TRAF3IP1: variants seen among roughly 807,000 people sequenced by gnomAD.
TRAF3IP1 encodes the protein intraflagellar transport 54.
Under a neutral mutation model 89.9 loss-of-function variants are expected in TRAF3IP1, and 53 were observed. That is an observed-to-expected ratio of 0.59 (90% CI 0.47 to 0.74). The LOEUF (loss-of-function observed/expected upper bound fraction) is 0.74, where lower values mean the gene tolerates loss of function less well. Ranked by LOEUF, TRAF3IP1 falls within the 30% of genes least tolerant of loss-of-function variation. The pLI, the probability that TRAF3IP1 is intolerant of heterozygous loss-of-function variation, is 0.00. For missense variants in TRAF3IP1, 806 were observed against 866.1 expected, an observed-to-expected ratio of 0.93 and a Z score of 0.87; for synonymous variants, 311 against 322.1, an observed-to-expected ratio of 0.97 and a Z score of 0.37.
intron 15 of TRAF3IP1, among the ~76,000 whole-genome samples, chr2:238,386,433 C>T (rs71426523): frequency 6.6e-6 from 1 of 152,198 alleles, no homozygotes; most frequent in African/African-American, 2.4e-5. Flanking sequence ...CTGCCTCAGC[C>T]TCCCAAGTAG....
At position 238,329,218 on chromosome 2, in the gene TRAF3IP1, A is replaced by T; in HGVS notation, c.791A>T (p.Asp264Val). 1.3e-6 allele frequency: 2 copies of T among 1,559,622 alleles called. No homozygotes were observed. The highest frequency in any genetic ancestry group is 1.7e-6 in the Non-Finnish European group (2 of 1,157,632). ...EGGKEKERLRDRDRERDRDKG... is the reference protein window; with the variant it reads ...EGGKEKERLRVRDRERDRDKG... ...GGGAAAGAGAAGGAGAGACTGAGAG[A>T]CAGGGACCGAGAGCGCGACCGGGAC... Residue 264 changes from aspartate (D) to valine (V), a missense_variant, in exon 5 of 17, where the codon GAC (aspartate) becomes GTC (valine). By Grantham distance (152) the Asp-to-Val change is radical. Transcript: ENST00000373327.
At chr2:238,368,430 G>A (rs894117764) in intron 15 of TRAF3IP1, among the ~76,000 whole-genome samples, 1 of 151,976 alleles carries the variant, frequency 6.6e-6, no homozygotes, top group Non-Finnish European at 1.5e-5. Context: ...ATCTCCGTAC[G>A]GTTTCTTCTG....
chr2:238,400,302 A>C lies in TRAF3IP1; in HGVS notation c.*1383A>C, dbSNP rs777732269. ...GTAGAGATGGGGTTTCACCGTGTTGACCAGGATGGTCTCCACCTCCTGACC... is the reference window on the plus strand; with the variant it reads ...GTAGAGATGGGGTTTCACCGTGTTGCCCAGGATGGTCTCCACCTCCTGACC... On this transcript the variant is annotated 3_prime_UTR_variant, in exon 17 of 17. Coordinates refer to ENST00000373327, the MANE Select transcript of TRAF3IP1 (RefSeq NM_015650.4). 1.3e-5 allele frequency: 2 copies of C among 152,020 alleles called. No individual in the cohort carries two copies. The highest frequency in any genetic ancestry group is 2.9e-5 in the Non-Finnish European group (2 of 68,034). 9.4% of individuals were successfully genotyped at this position (152,020 alleles called of 1,614,324 possible).
intron 8 of TRAF3IP1, among the ~76,000 whole-genome samples, chr2:238,339,239 A>T (rs1278997518): frequency 6.6e-6 from 1 of 152,154 alleles, no homozygotes; most frequent in Admixed American, 6.5e-5. Flanking sequence ...AGTGTGAAAG[A>T]TGATCTGTGG....
chr2:238,323,134 A>G (rs1264867030), intron 1 of TRAF3IP1, among the ~76,000 whole-genome samples: 1 of 150,364 alleles, frequency 6.7e-6, no homozygotes. Flanking sequence ...GCTGGAGTGC[A>G]GTGACACAGT....
intron 7 of TRAF3IP1, among the ~76,000 whole-genome samples, chr2:238,335,589 A>T (rs1325302697): frequency 1.3e-5 from 2 of 152,096 alleles, no homozygotes; most frequent in Non-Finnish European, 2.9e-5. Context: ...TGCAAAATAA[A>T]CTAACGTCTC....
intron 15 of TRAF3IP1, among the ~76,000 whole-genome samples, chr2:238,381,881 A>G (rs902783647): frequency 6.6e-6 from 1 of 152,166 alleles, no homozygotes; most frequent in African/African-American, 2.4e-5. Flanking sequence ...AAAAAATGAC[A>G]TGAAGACAGG....
chr2:238,341,187 A>ATT (rs11323220), intron 8 of TRAF3IP1, among the ~76,000 whole-genome samples: 2 of 140,284 alleles, frequency 1.4e-5, no homozygotes, highest in Non-Finnish European at 1.5e-5. Flanking sequence ...TGCCTAGCTA[A>ATT]TTTTTTTTTT....
chr2:238,388,593 C>CTT lies in TRAF3IP1; in HGVS notation c.1690-8845_1690-8844dup, dbSNP rs752954955. Among the ~76,000 whole-genome samples, 762 of 104,132 alleles carry CTT rather than the reference C, an allele frequency of 7.3e-3. 14 individuals carry two copies. Among genetic ancestry groups the CTT allele is most frequent in the Middle Eastern group, 0.012 (2 of 166 alleles). The allele number at this position is 104,132 out of a possible 152,430, so 68.3% of individuals were successfully genotyped here. A position where few individuals can be genotyped will look rare whatever the true frequency, so the allele number is the denominator to read the frequency against. The stretch of plus-strand genomic sequence containing the variant: ...ATTCCTCTGTTTATGAAGAACACAA[C>CTT]TTTTTTTTTTTTTTTTTTTTTTGAG... On this transcript the variant is annotated intron_variant, in intron 15 of 16. Coordinates refer to ENST00000373327, the MANE Select transcript of TRAF3IP1 (RefSeq NM_015650.4).
At position 238,320,564 on chromosome 2, in the gene TRAF3IP1, C is replaced by T. The variant is rs1054689911; in HGVS notation, c.-99C>T. 22 of 824,560 alleles carry T rather than the reference C, an allele frequency of 2.7e-5. No homozygotes were observed. Among genetic ancestry groups the T allele is most frequent in the African/African-American group, 7.2e-5 (4 of 55,194 alleles). 51.1% of individuals were successfully genotyped at this position (824,560 alleles called of 1,614,324 possible). On this transcript the variant is annotated 5_prime_UTR_variant, in exon 1 of 17. Coordinates refer to ENST00000373327, the MANE Select transcript of TRAF3IP1 (RefSeq NM_015650.4). ...AGCGGCGCGTCCTGGCAGGACCGGG[C>T]GGCGGCGGCGGCGGGGCCGGCGGCG...
rs1350041514 is a variant in TRAF3IP1, at chr2:238,351,760, T to C, written c.1452-1067T>C. Among the ~76,000 whole-genome samples, 2 of 152,078 alleles carry C rather than the reference T, an allele frequency of 1.3e-5. No homozygotes were observed. The highest frequency in any genetic ancestry group is 2.9e-5 in the Non-Finnish European group (2 of 68,004). On this transcript the variant is annotated intron_variant, in intron 12 of 16. Transcript: ENST00000373327. This position sits in a 1 kb window ranked among gnomAD's most constrained non-coding sequence, Gnocchi z 5.2. ...AGGATGTTTGGGGCAATGGGTGTTA[T>C]TTTCAGAGGTCGTTCCCAAGTGTCT...
intron 15 of TRAF3IP1, among the ~76,000 whole-genome samples, chr2:238,396,544 TAAA>T (rs112286282): frequency 2.1e-5 from 3 of 142,342 alleles, no homozygotes; most frequent in African/African-American, 7.8e-5. Context: ...ATAAAAAAAT[TAAA>T]AAAAAAAAGG....
At chr2:238,340,812 C>CGTGTGTGT (rs71414327) in intron 8 of TRAF3IP1, among the ~76,000 whole-genome samples, 2,517 of 149,368 alleles carry the variant, frequency 0.017, 26 homozygotes, top group African/African-American at 0.028. Flanking sequence ...TACAGTTATG[C>CGTGTGTGT]GTGTGTGTGT....
At position 238,399,177 on chromosome 2, in the gene TRAF3IP1, G is replaced by T; in HGVS notation, c.*258G>T. 2.9e-6 allele frequency: 1 copy of T among 344,878 alleles called. No individual in the cohort carries two copies. The highest frequency in any genetic ancestry group is 3.8e-5 in the South Asian group (1 of 26,078). 21.4% of individuals were successfully genotyped at this position (344,878 alleles called of 1,614,324 possible). On this transcript the variant is annotated 3_prime_UTR_variant, in exon 17 of 17. Coordinates refer to ENST00000373327, the MANE Select transcript of TRAF3IP1 (RefSeq NM_015650.4). ...AAACACCTCTGTGAAAAGTTTTTTT[G>T]AAAGCCTGTTCTTTGTGTTTCTGCT...
intron 15 of TRAF3IP1, among the ~76,000 whole-genome samples, chr2:238,359,685 T>G (rs1248307718): frequency 2.0e-5 from 3 of 152,236 alleles, no homozygotes; most frequent in Non-Finnish European, 4.4e-5. Flanking sequence ...GCTGTGAACA[T>G]TAATGTTCAA....
chr2:238,326,653 G>A (rs1429128503), intron 3 of TRAF3IP1, among the ~76,000 whole-genome samples: 1 of 152,146 alleles, frequency 6.6e-6, no homozygotes, highest in East Asian at 1.9e-4. Context: ...TGAGGGCCGA[G>A]TAGTGCCCTG....
rs13398676 is a variant in TRAF3IP1, at chr2:238,320,731, C to A, written c.69C>A (p.Thr23=). 0.72 allele frequency: 1,035,145 copies of A among 1,446,688 alleles called. 372,651 individuals carry two copies. The highest frequency in any genetic ancestry group is 0.83 in the Middle Eastern group (4,533 of 5,438). The allele number at this position is 1,446,688 out of a possible 1,614,324, so 89.6% of individuals were successfully genotyped here. ...AAGTGATTCGGAGGCCGCCGCTGAC[C>A]GAGAAGCTGCTGAGCAAGCCCCCGT... ...LGKVIRRPPL[T]EKLLSKPPFR... The change falls in exon 1 of 17, where the codon ACC becomes ACA. Residue 23 remains threonine, a synonymous_variant. Coordinates refer to ENST00000373327, the MANE Select transcript of TRAF3IP1 (RefSeq NM_015650.4).
At position 238,351,607 on chromosome 2, in the gene TRAF3IP1, G is replaced by A. The variant is rs1163647663; in HGVS notation, c.1452-1220G>A. Among the ~76,000 whole-genome samples, 3 of 152,262 alleles carry A rather than the reference G, an allele frequency of 2.0e-5. No individual in the cohort carries two copies. The highest frequency in any genetic ancestry group is 2.9e-5 in the Non-Finnish European group (2 of 68,014). Reference sequence around the variant, plus strand: ...GCCACAGTGAGGGTGTGCTGGGAGCGTGAGAGACGAGGGACGGGAGCCTGG... The same window carrying A: ...GCCACAGTGAGGGTGTGCTGGGAGCATGAGAGACGAGGGACGGGAGCCTGG... On this transcript the variant is annotated intron_variant, in intron 12 of 16. Coordinates refer to ENST00000373327, the MANE Select transcript of TRAF3IP1 (RefSeq NM_015650.4). This position sits in a 1 kb window ranked among gnomAD's most constrained non-coding sequence, Gnocchi z 5.2.
At chr2:238,330,867 G>C (rs1384236556) in intron 5 of TRAF3IP1, among the ~76,000 whole-genome samples, 1 of 152,190 alleles carries the variant, frequency 6.6e-6, no homozygotes, top group Non-Finnish European at 1.5e-5. Context: ...ACATCCTGGA[G>C]TAATGTACCC....
Sources: gnomAD v4.1 joint callset for allele counts (sites outside exome capture counted in the v4.1 genomes callset) on GRCh38, gnomAD v4.1.1 for gene constraint, Gnocchi (gnomAD v3.1) non-coding constraint, MANE v1.5 for transcripts, NCBI Gene and HGNC (gene_info 2026-07-23, HGNC 2026-07-21) for gene names.